HOOK1: variants seen among roughly 807,000 people sequenced by gnomAD.
HOOK1 encodes hook microtubule tethering protein 1, also known as protein Hook homolog 1.
A neutral mutation model predicts 112.8 loss-of-function variants in HOOK1; 60 were observed. That is an observed-to-expected ratio of 0.53 (90% CI 0.43 to 0.66). HOOK1 has a LOEUF of 0.66. HOOK1 is among the 30% of genes least tolerant of loss of function. HOOK1 has a pLI of 0.00. For missense variants in HOOK1, 770 were observed against 856.0 expected (o/e 0.90, Z 1.25); for synonymous variants, 294 against 283.8 (o/e 1.04, Z -0.36).
intron 15 of HOOK1, among the ~76,000 whole-genome samples, chr1:59,862,321 G>A (rs927830909): frequency 1.3e-5 from 2 of 152,104 alleles, no homozygotes; most frequent in Admixed American, 1.3e-4. Flanking sequence ...TAGAATCTGA[G>A]TTAGTTGCTA....
At chr1:59,828,963 TA>T in intron 3 of HOOK1, 111 bp downstream of exon 3, 1 of 792,484 alleles carries the variant, frequency 1.3e-6, no homozygotes, top group Non-Finnish European at 2.0e-6. Context: ...TTGTTGTGTA[TA>T]GTTTGAGTTT....
intron 15 of HOOK1, 31 bp from the exon 16 acceptor site, chr1:59,862,753 A>G (rs1040688234): frequency 2.0e-5 from 27 of 1,342,826 alleles, no homozygotes; most frequent in Non-Finnish European, 2.3e-5. Context: ...CTTTCAATAC[A>G]AGTAAATGCT....
chr1:59,824,742 T>C (rs2098388592), intron 2 of HOOK1, among the ~76,000 whole-genome samples: 1 of 152,224 alleles, frequency 6.6e-6, no homozygotes, highest in African/African-American at 2.4e-5. Flanking sequence ...GAGTTATTGC[T>C]AGGGTTCTAC....
At chr1:59,854,774 C>G (rs1463453752) in intron 12 of HOOK1, among the ~76,000 whole-genome samples, 1 of 151,840 alleles carries the variant, frequency 6.6e-6, no homozygotes, top group Admixed American at 6.6e-5. Flanking sequence ...TGTGTGGATC[C>G]TTTTTAGTTT....
chr1:59,840,461 ATTAG>A (rs2098400506), intron 8 of HOOK1, 70 bp downstream of exon 8: 1 of 938,422 alleles, frequency 1.1e-6, no homozygotes, highest in Non-Finnish European at 1.5e-6. Flanking sequence ...ATTGTAATTA[ATTAG>A]TTAGCACTAT....
chr1:59,872,492 G>A (rs1644070193), intron 21 of HOOK1, among the ~76,000 whole-genome samples: 2 of 150,574 alleles, frequency 1.3e-5, no homozygotes, highest in South Asian at 4.2e-4. Context: ...GCTCATAGGT[G>A]GTACGGTGAT....
intron 8 of HOOK1, among the ~76,000 whole-genome samples, chr1:59,843,017 C>T (rs77246126): frequency 0.016 from 2,406 of 152,038 alleles, 76 homozygotes; most frequent in African/African-American, 0.055. Context: ...CTCAACCTAT[C>T]ATGATAACTT....
At chr1:59,849,345 C>T (rs1016169963) in intron 12 of HOOK1, among the ~76,000 whole-genome samples, 162 bp downstream of exon 12, 2 of 151,350 alleles carry the variant, frequency 1.3e-5, no homozygotes, top group Admixed American at 1.3e-4. Context: ...CATCTTCTTT[C>T]AATTTTTTTA....
At chr1:59,832,558 G>C (rs945283195) in intron 4 of HOOK1, among the ~76,000 whole-genome samples, 16 of 151,920 alleles carry the variant, frequency 1.1e-4, no homozygotes, top group Admixed American at 4.6e-4. Flanking sequence ...TTTCTTCCCA[G>C]CGTAAACAGT....
At chr1:59,856,347 C>T (rs1409483821) in intron 12 of HOOK1, among the ~76,000 whole-genome samples, 2 of 151,502 alleles carry the variant, frequency 1.3e-5, no homozygotes, top group Non-Finnish European at 2.9e-5. Flanking sequence ...TGAGACATTG[C>T]TATAATTTCT....
chr1:59,862,853 A>G lies in HOOK1; in HGVS notation c.1602A>G (p.Gln534=). Reference sequence around the variant, plus strand: ...ACCTCCAGAAATCTTTACAGGAACAAGGTTCCAAGTCTGAAGGCGAAAGTG... The same window carrying G: ...ACCTCCAGAAATCTTTACAGGAACAGGGTTCCAAGTCTGAAGGCGAAAGTG... ...IEDLQKSLQE[Q]GSKSEGESSS... is the part of the protein sequence containing the mutation. The change falls in exon 16 of 22, where the codon CAA becomes CAG. Residue 534 remains glutamine (Q), a synonymous_variant. Transcript: ENST00000371208. 1.2e-6 allele frequency: 2 copies of G among 1,608,704 alleles called. No individual in the cohort carries two copies. Among genetic ancestry groups the G allele is most frequent in the South Asian group, 2.2e-5 (2 of 90,946 alleles).
Position 59,863,753 on chromosome 1 carries a change from T to G in HOOK1, c.1626+876T>G, listed in dbSNP as rs374578077. On this transcript the variant is annotated intron_variant, in intron 16 of 21. Coordinates refer to ENST00000371208, the MANE Select transcript of HOOK1 (RefSeq NM_015888.6). ...AGATGAAAAGGAAAATTGAAAGAGT[T>G]GCATTTTCTTTCTGTCTTTTATGTG... 9.2e-5 allele frequency: 51 copies of G among 556,142 alleles called. No individual in the cohort carries two copies. In the East Asian group the frequency reaches 2.8e-3, roughly 30 times the overall value. 34.5% of individuals were successfully genotyped at this position (556,142 alleles called of 1,614,324 possible).
chr1:59,817,264 C>G (rs917560914), intron 1 of HOOK1, among the ~76,000 whole-genome samples: 1 of 152,198 alleles, frequency 6.6e-6, no homozygotes, highest in African/African-American at 2.4e-5. Context: ...TATTCTCACC[C>G]TTTATGCTTC....
Position 59,873,978 on chromosome 1 carries a change from T to C in HOOK1, c.*1013T>C, listed in dbSNP as rs1644096449. 6.6e-6 allele frequency: 1 copy of C among 152,000 alleles called. No homozygotes were observed. Among genetic ancestry groups the C allele is most frequent in the African/African-American group, 2.4e-5 (1 of 41,424 alleles). The allele number at this position is 152,000 out of a possible 1,614,324, so 9.4% of individuals were successfully genotyped here. A position where few individuals can be genotyped will look rare whatever the true frequency, so the allele number is the denominator to read the frequency against. ...AGTTTATCTTGGGCTCAGTTTGTGG[T>C]ATTCAGTTCGTTTCTGCCCAAAGCT... On this transcript the variant is annotated 3_prime_UTR_variant, in exon 22 of 22. Transcript: ENST00000371208.
At chr1:59,854,001 AATATATAT>A (rs71046347) in intron 12 of HOOK1, among the ~76,000 whole-genome samples, 1,066 of 25,596 alleles carry the variant, frequency 0.042, 36 homozygotes, top group African/African-American at 0.063. Flanking sequence ...ATTAATCTTA[AATATATAT>A]ATATATATAT....
At chr1:59,825,398 A>T (rs2098389121) in intron 2 of HOOK1, among the ~76,000 whole-genome samples, 1 of 152,188 alleles carries the variant, frequency 6.6e-6, no homozygotes, top group Admixed American at 6.5e-5. Context: ...GAAGAATGAG[A>T]CAGATAATGT....
intron 7 of HOOK1, among the ~76,000 whole-genome samples, chr1:59,837,273 C>T (rs1434103772): frequency 1.3e-5 from 2 of 152,052 alleles, no homozygotes; most frequent in Admixed American, 1.3e-4. Context: ...CTGTTGCTAT[C>T]CTCTCACTTG....
chr1:59,848,507 C>T lies in HOOK1; in HGVS notation c.1122C>T (p.Tyr374=), dbSNP rs1417225553. ...CAGCACGTACACAATTAGAAACATA[C>T]AAAAGGCAGGTAAGAAACATCTTAA... ...ANAARTQLET[Y]KRQVQDLHVK... is the part of the protein sequence containing the mutation. Residue 374 remains tyrosine (Y), a synonymous_variant, in exon 11 of 22, where the codon TAC becomes TAT. Transcript: ENST00000371208. 1 of 1,603,696 alleles carries T rather than the reference C, an allele frequency of 6.2e-7. No individual in the cohort carries two copies. The highest frequency in any genetic ancestry group is 8.5e-7 in the Non-Finnish European group (1 of 1,173,066).
At chr1:59,866,245 A>T (rs547666690) in intron 19 of HOOK1, among the ~76,000 whole-genome samples, 1 of 152,320 alleles carries the variant, frequency 6.6e-6, no homozygotes, top group South Asian at 2.1e-4. Flanking sequence ...AATGTATGGA[A>T]TCTTTAGTTC....
Sources: allele counts gnomAD v4.1 joint callset (sites outside exome capture counted in the v4.1 genomes callset), GRCh38; gene constraint gnomAD v4.1.1; transcripts MANE v1.5; gene names NCBI Gene and HGNC (gene_info 2026-07-23, HGNC 2026-07-21).